FSD1: variants seen among roughly 807,000 people sequenced by gnomAD.
FSD1 encodes fibronectin type III and SPRY domain-containing protein 1.
Under a neutral mutation model 58.2 loss-of-function variants are expected in FSD1, and 23 were observed. That is an observed-to-expected ratio of 0.40 (90% confidence interval 0.28 to 0.56). The LOEUF (loss-of-function observed/expected upper bound fraction) is 0.56, where lower values mean the gene tolerates loss of function less well. Among genes scored for constraint, FSD1 ranks in the 20% least tolerant of loss-of-function variants. The pLI, the probability that FSD1 is intolerant of heterozygous loss-of-function variation, is 0.54. For synonymous variants in FSD1, 265 were observed against 263.4 expected, an observed-to-expected ratio of 1.01 and a Z score of -0.06; for missense variants, 563 against 670.8, an observed-to-expected ratio of 0.84 and a Z score of 1.78.
At chr19:4,306,866 C>G (rs1258271401) in intron 3 of FSD1, among the ~76,000 whole-genome samples, 4 of 152,092 alleles carry the variant, frequency 2.6e-5, no homozygotes, top group Non-Finnish European at 5.9e-5. Flanking sequence ...TCCCACTGGC[C>G]CCCCAGATCT....
chr19:4,316,865 C>T (rs1313699793), intron 7 of FSD1, among the ~76,000 whole-genome samples: 1 of 152,150 alleles, frequency 6.6e-6, no homozygotes, highest in Non-Finnish European at 1.5e-5. Flanking sequence ...ATTCTCCTGC[C>T]TCAGCCTCCT....
At chr19:4,308,900 C>T (rs1234398784) in intron 4 of FSD1, among the ~76,000 whole-genome samples, 3 of 149,864 alleles carry the variant, frequency 2.0e-5, no homozygotes, top group African/African-American at 7.4e-5. Context: ...ACGGTGAAAC[C>T]CCGTCTCTAC....
intron 6 of FSD1, chr19:4,310,949 C>G (rs1971683083): frequency 4.8e-6 from 1 of 206,832 alleles, no homozygotes; most frequent in African/African-American, 2.3e-5. Context: ...TGGGAAAATC[C>G]TGTCCCCAGG....
chr19:4,314,982 A>G (rs180734820), intron 7 of FSD1, among the ~76,000 whole-genome samples: 7 of 152,300 alleles, frequency 4.6e-5, no homozygotes, highest in Admixed American at 4.6e-4. Flanking sequence ...CAGGGCAGAA[A>G]GTTGGATTCA....
intron 4 of FSD1, among the ~76,000 whole-genome samples, chr19:4,308,877 C>T (rs968612825): frequency 2.8e-5 from 4 of 143,346 alleles, no homozygotes; most frequent in African/African-American, 1.1e-4. Flanking sequence ...AGATTGAGAC[C>T]ATCTTGGCTA....
At position 4,311,855 on chromosome 19, in the gene FSD1, C is replaced by T. The variant is rs745768424; in HGVS notation, c.504C>T (p.Pro168=). The T allele has an allele frequency of 5.0e-6, 8 of 1,614,004 alleles. No homozygotes were observed. The Admixed American group carries it at 1.2e-4, about 24-fold the overall frequency. ...CGTCTTGGTCAGTGCCCAGCGCACCCGTGATCGACCTGGCTGAGTCCCTGG... is the reference window on the plus strand; with the variant it reads ...CGTCTTGGTCAGTGCCCAGCGCACCTGTGATCGACCTGGCTGAGTCCCTGG... ...ALKFLPVPSA[P]VIDLAESLVA... The change falls in exon 7 of 13, where the codon CCC becomes CCT. Residue 168 remains proline, a synonymous_variant. Coordinates refer to ENST00000221856, the MANE Select transcript of FSD1 (RefSeq NM_024333.3).
chr19:4,311,110 G>T (rs556886170), intron 6 of FSD1: 9 of 156,852 alleles, frequency 5.7e-5, no homozygotes, highest in Middle Eastern at 6.8e-3. Flanking sequence ...ATACCATGTC[G>T]TTGGGGGAGT....
intron 1 of FSD1, among the ~76,000 whole-genome samples, chr19:4,305,337 C>T (rs898295793): frequency 2.0e-5 from 3 of 151,798 alleles, no homozygotes; most frequent in Non-Finnish European, 2.9e-5. Context: ...CAGGTAGGCC[C>T]CACCCCTGTT....
chr19:4,313,711 C>T (rs113019968), intron 7 of FSD1, among the ~76,000 whole-genome samples: 10 of 138,220 alleles, frequency 7.2e-5, no homozygotes, highest in African/African-American at 1.4e-4. Context: ...AGCGAGACTC[C>T]GTCTCAAAAA....
intron 5 of FSD1, 75 bp from the exon 6 acceptor site, chr19:4,310,400 T>C: frequency 6.2e-7 from 1 of 1,605,028 alleles, no homozygotes; most frequent in Non-Finnish European, 8.5e-7. Flanking sequence ...ACGGGAGCCC[T>C]GGGGAGGGGC....
chr19:4,308,025 A>G lies in FSD1; in HGVS notation c.345+42A>G, dbSNP rs778236051. The G allele has an allele frequency of 1.7e-5, 25 of 1,483,468 alleles. 1 individual carries two copies. In the South Asian group the frequency reaches 2.7e-4, roughly 16 times the overall value. 91.9% of individuals were successfully genotyped at this position (1,483,468 alleles called of 1,614,324 possible). A position where few individuals can be genotyped will look rare whatever the true frequency, so the allele number is the denominator to read the frequency against. ...CTGCCAGGTAAAGAACAGTGTGCCC[A>G]GTCACGTTTGCATTTCAGGTGAACA... On this transcript the variant is annotated intron_variant, in intron 4 of 12. Coordinates refer to ENST00000221856, the MANE Select transcript of FSD1 (RefSeq NM_024333.3).
intron 7 of FSD1, among the ~76,000 whole-genome samples, chr19:4,314,488 CTTTT>C (rs1198326761): frequency 7.3e-6 from 1 of 137,844 alleles, no homozygotes; most frequent in Non-Finnish European, 1.6e-5. Flanking sequence ...CACATTCTAC[CTTTT>C]TTTTTTTTTT....
In FSD1 at chr19:4,318,340, C is replaced by A. The variant is rs374098700; in HGVS notation, c.800-6C>A. On this transcript the variant is annotated splice_region_variant and splice_polypyrimidine_tract_variant and intron_variant, in intron 8 of 12. Coordinates refer to ENST00000221856, the MANE Select transcript of FSD1 (RefSeq NM_024333.3). ...CTCTGTGACTCCCACGTCTGCCCGG[C>A]CCCAGCGTTCATGTTCCGCCTGGAT... 6 of 1,613,680 alleles carry A rather than the reference C, an allele frequency of 3.7e-6. No homozygotes were observed. The African/African-American group carries it at 8.0e-5, about 22-fold the overall frequency.
intron 10 of FSD1, 138 bp downstream of exon 10, chr19:4,319,089 T>C (rs575255102): frequency 1.5e-4 from 102 of 685,552 alleles, no homozygotes; most frequent in Middle Eastern, 5.7e-4. Flanking sequence ...CAGGTTGTTC[T>C]GGCACTGCCC....
intron 7 of FSD1, among the ~76,000 whole-genome samples, chr19:4,312,963 G>A (rs1455306577): frequency 2.0e-5 from 3 of 151,840 alleles, no homozygotes; most frequent in Non-Finnish European, 4.4e-5. Context: ...CCTCGGAGCA[G>A]GGAACAAAGC....
intron 7 of FSD1, among the ~76,000 whole-genome samples, chr19:4,314,526 G>A (rs1378288041): frequency 2.0e-5 from 3 of 146,638 alleles, no homozygotes; most frequent in African/African-American, 7.6e-5. Flanking sequence ...TCGCTTTGTC[G>A]CCCAGGCTGG....
Position 4,322,930 on chromosome 19 carries a change from T to C in FSD1, c.1040-56T>C, listed in dbSNP as rs924630650. 4.5e-6 allele frequency: 7 copies of C among 1,551,850 alleles called. No individual in the cohort carries two copies. The South Asian group carries it at 8.4e-5, about 19-fold the overall frequency. On this transcript the variant is annotated intron_variant, in intron 10 of 12. Coordinates refer to ENST00000221856, the MANE Select transcript of FSD1 (RefSeq NM_024333.3). ...GGGGCTGGCCCTTTGTGGAAGGGCA[T>C]CTGTGGCCCAGTTCTATCCAGTTCC...
intron 2 of FSD1, 71 bp from the exon 3 acceptor site, chr19:4,306,127 G>A (rs1971618290): frequency 1.2e-6 from 2 of 1,610,770 alleles, no homozygotes; most frequent in East Asian, 4.5e-5. Context: ...CATTGCTGTT[G>A]ATGCCTGTGG....
intron 1 of FSD1, 152 bp from the exon 2 acceptor site, chr19:4,305,794 G>T: frequency 1.5e-6 from 1 of 662,446 alleles, no homozygotes; most frequent in Non-Finnish European, 2.7e-6. Flanking sequence ...GTGTGTGTGT[G>T]CGCATGTGTG....
Sources: gnomAD v4.1 joint callset for allele counts (sites outside exome capture counted in the v4.1 genomes callset) on GRCh38, gnomAD v4.1.1 for gene constraint, MANE v1.5 for transcripts, NCBI Gene and HGNC (gene_info 2026-07-23, HGNC 2026-07-21) for gene names.